The following MCL1 variants were observed in gnomAD, a reference collection of about 807,000 sequenced individuals.
MCL1 encodes induced myeloid leukemia cell differentiation protein Mcl-1.
A neutral mutation model predicts 24.2 loss-of-function variants in MCL1; 4 were observed. The observed-to-expected ratio is 0.17, with a 90% confidence interval of 0.08 to 0.38. The LOEUF is 0.38. Ranked by LOEUF, MCL1 falls within the 10% of genes least tolerant of loss-of-function variation. The probability of loss-of-function intolerance (pLI) is 1.00; values close to 1 mark genes in which losing one functional copy is unlikely to be tolerated. For missense variants in MCL1, 529 were observed against 480.3 expected (o/e 1.10, Z -0.95); for synonymous variants, 248 against 214.0 (o/e 1.16, Z -1.39).
chr1:150,578,692 G>T, intron 1 of MCL1, 151 bp downstream of exon 1: 1 of 1,026,004 alleles, frequency 9.7e-7, no homozygotes, highest in Non-Finnish European at 1.4e-6. Context: ...CGGAAACAAT[G>T]ACTCATGGCC....
At position 150,575,045 on chromosome 1, in the gene MCL1, A is replaced by G. The variant is rs1647730403; in HGVS notation, c.*2330T>C. ...AATGAATTGGGAAGTGGGGCCCCTA[A>G]AAACCAATTCACATCTATGCACTTG... On this transcript the variant is annotated 3_prime_UTR_variant, in exon 3 of 3. Transcript: ENST00000369026. 8.6e-6 allele frequency: 2 copies of G among 233,292 alleles called. No individual in the cohort carries two copies. Among genetic ancestry groups the G allele is most frequent in the South Asian group, 3.6e-4 (2 of 5,528 alleles). 14.5% of individuals were successfully genotyped at this position (233,292 alleles called of 1,614,324 possible).
rs760744606 is a variant in MCL1 at position 150,579,447 on chromosome 1, G to A, written c.84C>T (p.Ala28=). Residue 28 remains alanine, a synonymous_variant, in exon 1 of 3, where the codon GCC becomes GCT. Transcript: ENST00000369026. ...CCAAAAGTCGCCCTCCCGGGCGGGT[G>A]GCGCCGCCGCTGCCGGCCCCCAAGC... ...GAGLGAGSGG[A]TRPGGRLLAT... The A allele has an allele frequency of 2.5e-6, 4 of 1,591,736 alleles. No homozygotes were observed. Among genetic ancestry groups the A allele is most frequent in the African/African-American group, 2.8e-5 (2 of 72,060 alleles).
intron 2 of MCL1, 27 bp from the exon 3 acceptor site, chr1:150,577,518 T>A (rs951056876): frequency 4.5e-6 from 7 of 1,543,526 alleles, no homozygotes; most frequent in Non-Finnish European, 6.1e-6. Flanking sequence ...AAAAGCACAT[T>A]TTCAAGTATG....
Position 150,577,253 on chromosome 1 carries a change from C to T in MCL1, c.*122G>A, listed in dbSNP as rs927416475. On this transcript the variant is annotated 3_prime_UTR_variant, in exon 3 of 3. Transcript: ENST00000369026. ...TTAGCCATAATCCTCTTGCCACTTGCTTTTCTGGCTAGGTTGCTAGGGTGC... is the reference window on the plus strand; with the variant it reads ...TTAGCCATAATCCTCTTGCCACTTGTTTTTCTGGCTAGGTTGCTAGGGTGC... The T allele has an allele frequency of 2.3e-6, 3 of 1,307,958 alleles. No homozygotes were observed. Among genetic ancestry groups the T allele is most frequent in the Non-Finnish European group, 3.1e-6 (3 of 956,214 alleles). 81.0% of individuals were successfully genotyped at this position (1,307,958 alleles called of 1,614,324 possible).
Position 150,576,026 on chromosome 1 carries a change from G to A in MCL1, c.*1349C>T, listed in dbSNP as rs948713641. On this transcript the variant is annotated 3_prime_UTR_variant, in exon 3 of 3. Transcript: ENST00000369026. ...AGGCTTAGACCTGTGTGTGTAACAA[G>A]CAAGCCTAATAATAGCACCATGGTT... 1.3e-5 allele frequency: 3 copies of A among 233,534 alleles called. No homozygotes were observed. Among genetic ancestry groups the A allele is most frequent in the Non-Finnish European group, 2.5e-5 (3 of 118,032 alleles). 14.5% of individuals were successfully genotyped at this position (233,534 alleles called of 1,614,324 possible).
chr1:150,578,297 T>C lies in MCL1; in HGVS notation c.883A>G (p.Thr295Ala). 1.2e-6 allele frequency: 2 copies of C among 1,614,226 alleles called. No individual in the cohort carries two copies. The highest frequency in any genetic ancestry group is 2.2e-5 in the South Asian group (2 of 91,086). The change falls in exon 2 of 3, where the codon ACA (threonine) becomes GCA (alanine). Residue 295 changes from threonine (T) to alanine (A), a missense_variant. Transcript: ENST00000369026. The stretch of plus-strand genomic sequence containing the variant: ...CGTTTTGTCCTTACGAGAACGTCTG[T>C]GATACTTTCTGCTAATGGTTCGATG... ...SCIEPLAESI[T>A]DVLVRTKRDW...
In MCL1 at chr1:150,577,286, G is replaced by A; in HGVS notation, c.*89C>T. On this transcript the variant is annotated 3_prime_UTR_variant, in exon 3 of 3. Transcript: ENST00000369026. ...GCTAGGTTGCTAGGGTGCAACTCTA[G>A]GAAGTTACAGCTTGGAGTCCAACTG... is the stretch of plus-strand genomic sequence containing the variant. 2 of 1,534,754 alleles carry A rather than the reference G, an allele frequency of 1.3e-6. No homozygotes were observed. Among genetic ancestry groups the A allele is most frequent in the Middle Eastern group, 1.8e-4 (1 of 5,702 alleles).
chr1:150,579,476 C>G lies in MCL1; in HGVS notation c.55G>C (p.Ala19Pro), dbSNP rs1249841412. ...CCGCCGCTGCCGGCCCCCAAGCCGG[C>G]CCCCCCACAGTAGAGGTTGAGTCCG... Reference protein sequence around the residue: ...VIGLNLYCGGAGLGAGSGGAT... With the variant: ...VIGLNLYCGGPGLGAGSGGAT... The change falls in exon 1 of 3, where the codon GCC becomes CCC. Residue 19 changes from alanine to proline, a missense_variant. Coordinates refer to ENST00000369026, the MANE Select transcript of MCL1 (RefSeq NM_021960.5). 3 of 1,592,086 alleles carry G rather than the reference C, an allele frequency of 1.9e-6. No individual in the cohort carries two copies. Among genetic ancestry groups the G allele is most frequent in the Non-Finnish European group, 2.6e-6 (3 of 1,171,356 alleles).
Position 150,578,878 on chromosome 1 carries a change from T to C in MCL1, c.653A>G (p.Asp218Gly), listed in dbSNP as rs866377910. Residue 218 changes from aspartate to glycine, a missense_variant, in exon 1 of 3, where the codon GAT becomes GGT. Transcript: ENST00000369026. ...KALETLRRVG[D>G]GVQRNHETAF... ...CGTCTCGTGGTTGCGCTGCACGCCATCCCCAACCCGTCGTAAGGTCTCCAG... is the reference window on the plus strand; with the variant it reads ...CGTCTCGTGGTTGCGCTGCACGCCACCCCCAACCCGTCGTAAGGTCTCCAG... 1 of 1,613,634 alleles carries C rather than the reference T, an allele frequency of 6.2e-7. No individual in the cohort carries two copies. Among genetic ancestry groups the C allele is most frequent in the Non-Finnish European group, 8.5e-7 (1 of 1,179,834 alleles).
rs986157154 is a variant in MCL1 at position 150,575,118 on chromosome 1, T to C, written c.*2257A>G. ...GGCTTTTTTAGTTACCGTAACCAGATCTTAAGATTAATTAAAAACTACATA... is the reference window on the plus strand; with the variant it reads ...GGCTTTTTTAGTTACCGTAACCAGACCTTAAGATTAATTAAAAACTACATA... On this transcript the variant is annotated 3_prime_UTR_variant, in exon 3 of 3. Transcript: ENST00000369026. 1.2e-4 allele frequency: 27 copies of C among 233,186 alleles called. No homozygotes were observed. Among genetic ancestry groups the C allele is most frequent in the Non-Finnish European group, 2.0e-4 (24 of 117,850 alleles). 14.4% of individuals were successfully genotyped at this position (233,186 alleles called of 1,614,324 possible).
Position 150,579,577 on chromosome 1 carries a change from G to C in MCL1, c.-47C>G. The C allele has an allele frequency of 2.6e-6, 4 of 1,549,350 alleles. No individual in the cohort carries two copies. The highest frequency in any genetic ancestry group is 2.6e-6 in the Non-Finnish European group (3 of 1,144,402). On this transcript the variant is annotated 5_prime_UTR_variant, in exon 1 of 3. Transcript: ENST00000369026. ...GGCTGAGAAAACTGGGGAAGACCCC[G>C]ACTCCTTACTGGAAGGAAGCGGAAG...
In MCL1 at chr1:150,574,684, G is replaced by T. The variant is rs897582969; in HGVS notation, c.*2691C>A. 4 of 233,060 alleles carry T rather than the reference G, an allele frequency of 1.7e-5. No individual in the cohort carries two copies. The highest frequency in any genetic ancestry group is 3.4e-5 in the Non-Finnish European group (4 of 117,800). The allele number at this position is 233,060 out of a possible 1,614,324, so 14.4% of individuals were successfully genotyped here. On this transcript the variant is annotated 3_prime_UTR_variant, in exon 3 of 3. Transcript: ENST00000369026. ...TCCTGGCACAGCTATCAAAAGTACA[G>T]CTGTTTAACCAGAACCAAGGTGTTC...
At position 150,579,066 on chromosome 1, in the gene MCL1, A is replaced by C. The variant is rs1647955216; in HGVS notation, c.465T>G (p.Ser155Arg). The change falls in exon 1 of 3, where the codon AGT (serine) becomes AGG (arginine). Residue 155 changes from serine to arginine, a missense_variant. By Grantham distance (110) the Ser-to-Arg change is moderately radical. Transcript: ENST00000369026. ...GCGTCGAGGGTAGTGACCCGTCCGT[A>C]CTGGTGTTATTACCAGATTCCCCGA... ...ELVGESGNNT[S>R]TDGSLPSTPP... 1 of 1,613,100 alleles carries C rather than the reference A, an allele frequency of 6.2e-7. No homozygotes were observed. The highest frequency in any genetic ancestry group is 8.5e-7 in the Non-Finnish European group (1 of 1,180,002).
In MCL1 at chr1:150,577,242, C is replaced by T. The variant is rs1482631874; in HGVS notation, c.*133G>A. 8 of 1,139,444 alleles carry T rather than the reference C, an allele frequency of 7.0e-6. No individual in the cohort carries two copies. Among genetic ancestry groups the T allele is most frequent in the African/African-American group, 1.6e-5 (1 of 64,130 alleles). 70.6% of individuals were successfully genotyped at this position (1,139,444 alleles called of 1,614,324 possible). A position where few individuals can be genotyped will look rare whatever the true frequency, so the allele number is the denominator to read the frequency against. ...ATTTATTCTTGTTAGCCATAATCCTCTTGCCACTTGCTTTTCTGGCTAGGT... is the reference window on the plus strand; with the variant it reads ...ATTTATTCTTGTTAGCCATAATCCTTTTGCCACTTGCTTTTCTGGCTAGGT... On this transcript the variant is annotated 3_prime_UTR_variant, in exon 3 of 3. Coordinates refer to ENST00000369026, the MANE Select transcript of MCL1 (RefSeq NM_021960.5).
rs1406559036 is a variant in MCL1, at chr1:150,575,408, T to A, written c.*1967A>T. 8.6e-6 allele frequency: 2 copies of A among 232,848 alleles called. No individual in the cohort carries two copies. The highest frequency in any genetic ancestry group is 1.2e-4 in the East Asian group (2 of 16,484). The allele number at this position is 232,848 out of a possible 1,614,324, so 14.4% of individuals were successfully genotyped here. On this transcript the variant is annotated 3_prime_UTR_variant, in exon 3 of 3. Coordinates refer to ENST00000369026, the MANE Select transcript of MCL1 (RefSeq NM_021960.5). ...ATAGACACTTTCTTCAGTTTATCAG[T>A]AGCTTTTAAACTCTGAGGTTTAACA... is the stretch of plus-strand genomic sequence containing the variant.
chr1:150,578,567 G>A (rs766511331), intron 1 of MCL1, 76 bp from the exon 2 acceptor site: 66 of 1,567,750 alleles, frequency 4.2e-5, no homozygotes, highest in Non-Finnish European at 5.5e-5. Context: ...CCCACCCGCG[G>A]CGGGAAAATC....
intron 2 of MCL1, 102 bp downstream of exon 2, chr1:150,578,142 A>T: frequency 7.7e-7 from 1 of 1,291,184 alleles, no homozygotes; most frequent in Non-Finnish European, 1.1e-6. Context: ...GCCTGCAAAC[A>T]GCCGTGCGTC....
intron 1 of MCL1, 153 bp downstream of exon 1, chr1:150,578,690 A>G: frequency 3.9e-6 from 4 of 1,025,088 alleles, no homozygotes; most frequent in Non-Finnish European, 4.2e-6. Context: ...GGCGGAAACA[A>G]TGACTCATGG....
Position 150,578,157 on chromosome 1 carries a change from AAACCTTT to A in MCL1, c.936+80_936+86del, listed in dbSNP as rs999919956. The stretch of plus-strand genomic sequence containing the variant: ...GCCTGCAAACAGCCGTGCGTCATAA[AAACCTTT>A]AGATATCCCCACCTCTCTAAAAAAA... On this transcript the variant is annotated intron_variant, in intron 2 of 2. Transcript: ENST00000369026. 1.8e-4 allele frequency: 257 copies of A among 1,461,310 alleles called. 1 individual carries two copies. In the African/African-American group the frequency reaches 3.4e-3, roughly 20 times the overall value. 90.5% of individuals were successfully genotyped at this position (1,461,310 alleles called of 1,614,324 possible).
Sources: allele counts gnomAD v4.1 joint callset, GRCh38; gene constraint gnomAD v4.1.1; transcripts MANE v1.5; gene names NCBI Gene and HGNC (gene_info 2026-07-23, HGNC 2026-07-21).